NCAN: variants seen among roughly 807,000 people sequenced by gnomAD.
NCAN encodes neurocan core protein.
In NCAN, 47 loss-of-function variants were observed where a neutral mutation model predicts 121.8. The observed-to-expected ratio is 0.39, with a 90% CI of 0.31 to 0.49. NCAN has a LOEUF of 0.49. Ranked by LOEUF, NCAN falls within the 20% of genes least tolerant of loss-of-function variation. The probability of loss-of-function intolerance (pLI) is 0.92; values close to 1 mark genes in which losing one functional copy is unlikely to be tolerated. For missense variants in NCAN, 1,517 were observed against 1,773.4 expected (o/e 0.86, Z 2.60); for synonymous variants, 633 against 702.0 (o/e 0.90, Z 1.55).
chr19:19,234,337 G>T (rs2146548849), intron 9 of NCAN, among the ~76,000 whole-genome samples: 1 of 152,210 alleles, frequency 6.6e-6, no homozygotes, highest in South Asian at 2.1e-4. Flanking sequence ...ATAATTTTTT[G>T]AGCTCTATGT....
At position 19,228,351 on chromosome 19, in the gene NCAN, TC is replaced by T; in HGVS notation, c.2732del (p.Ser911Ter). The T allele has an allele frequency of 2.5e-6, 4 of 1,613,726 alleles. No individual in the cohort carries two copies. The highest frequency in any genetic ancestry group is 3.4e-6 in the Non-Finnish European group (4 of 1,179,968). ...GGATCAGGTGGAGACCCAGGGAACATCAGGAGCTTCAGTGCCTCCGCATCAG... is the reference window on the plus strand; with the variant it reads ...GGATCAGGTGGAGACCCAGGGAACATAGGAGCTTCAGTGCCTCCGCATCAG... The part of the protein sequence containing the change: ...PEDQVETQGT[S>X]GASVPPHQSS... On this transcript the variant is annotated frameshift_variant, in exon 8 of 15. Coordinates refer to ENST00000252575, the MANE Select transcript of NCAN (RefSeq NM_004386.3). LOFTEE classifies it high-confidence loss of function.
In NCAN at chr19:19,250,027, AC is replaced by A. The variant is rs1568605186; in HGVS notation, c.*117del. 1 of 1,014,464 alleles carries A rather than the reference AC, an allele frequency of 9.9e-7. No individual in the cohort carries two copies. Among genetic ancestry groups the A allele is most frequent in the African/African-American group, 1.6e-5 (1 of 62,810 alleles). The allele number at this position is 1,014,464 out of a possible 1,614,324, so 62.8% of individuals were successfully genotyped here. A position where few individuals can be genotyped will look rare whatever the true frequency, so the allele number is the denominator to read the frequency against. ...TCCAGAAGTCCCTGAACCCCAAACC[AC>A]ATCCCCCACACACATAATCCTTTGT... On this transcript the variant is annotated 3_prime_UTR_variant, in exon 15 of 15. Transcript: ENST00000252575.
Position 19,219,130 on chromosome 19 carries a change from A to G in NCAN, c.289A>G (p.Lys97Glu). 1 of 1,613,778 alleles carries G rather than the reference A, an allele frequency of 6.2e-7. No homozygotes were observed. Among genetic ancestry groups the G allele is most frequent in the Non-Finnish European group, 8.5e-7 (1 of 1,179,846 alleles). ...ACAGGACTTGCCCATCCTGGTGGCC[A>G]AGGACAATGTCGTGAGGGTGGCCAA... ...QRQDLPILVA[K>E]DNVVRVAKSW... The change falls in exon 3 of 15, where the codon AAG (lysine) becomes GAG (glutamate). Residue 97 changes from lysine to glutamate, a missense_variant. Physicochemically the swap from Lys to Glu is moderately conservative, Grantham distance 56. Transcript: ENST00000252575.
At position 19,227,516 on chromosome 19, in the gene NCAN, G is replaced by A; in HGVS notation, c.1896G>A (p.Met632Ile). 6.2e-7 allele frequency: 1 copy of A among 1,613,806 alleles called. No homozygotes were observed. The highest frequency in any genetic ancestry group is 8.5e-7 in the Non-Finnish European group (1 of 1,179,998). Residue 632 changes from methionine to isoleucine, a missense_variant, in exon 8 of 15, where the codon ATG (methionine) becomes ATA (isoleucine). Coordinates refer to ENST00000252575, the MANE Select transcript of NCAN (RefSeq NM_004386.3). The surrounding 1 kb of genome is among the most constrained non-coding windows in gnomAD (Gnocchi z 4.2). ...TGGCCACCTCCCCAGATCTCCCTAT[G>A]ATGGCCATGCTGCGTGGTCCCAAAG... ...FPVATSPDLP[M>I]MAMLRGPKEW... is the part of the protein sequence containing the mutation.
At chr19:19,219,338 G>C in intron 3 of NCAN, 22 bp downstream of exon 3, 1 of 1,475,410 alleles carries the variant, frequency 6.8e-7, no homozygotes, top group Non-Finnish European at 9.0e-7. Flanking sequence ...GCAAAGGAGG[G>C]GCCGGGGGCC....
rs763895634 is a variant in NCAN, at chr19:19,240,628, C to T, written c.3435C>T (p.Ile1145=). The T allele has an allele frequency of 5.0e-6, 8 of 1,613,956 alleles. No individual in the cohort carries two copies. The highest frequency in any genetic ancestry group is 2.2e-5 in the East Asian group (1 of 44,892). ...INSFGHENTW[I]GLNDRIVERD... is the part of the protein sequence containing the mutation. ...GCTTTGGGCATGAAAACACGTGGAT[C>T]GGCCTGAACGACAGGATCGTGGAGA... The change falls in exon 12 of 15, where the codon ATC becomes ATT. Residue 1145 remains isoleucine (I), a synonymous_variant. Coordinates refer to ENST00000252575, the MANE Select transcript of NCAN (RefSeq NM_004386.3).
chr19:19,238,137 T>C (rs2146551833), intron 10 of NCAN, 116 bp from the exon 11 acceptor site: 1 of 1,346,136 alleles, frequency 7.4e-7, no homozygotes, highest in East Asian at 2.3e-5. Context: ...AGAGGGGTGA[T>C]TTCGCCCCGC....
At chr19:19,245,202 A>C in intron 12 of NCAN, 111 bp from the exon 13 acceptor site, 1 of 1,342,424 alleles carries the variant, frequency 7.4e-7, no homozygotes, top group Non-Finnish European at 1.0e-6. Flanking sequence ...GGGAACACTG[A>C]ATCCCTGTGA....
At chr19:19,236,635 G>A (rs1410148502) in intron 10 of NCAN, among the ~76,000 whole-genome samples, 1 of 151,088 alleles carries the variant, frequency 6.6e-6, no homozygotes, top group Non-Finnish European at 1.5e-5. Context: ...TTGCCATGTT[G>A]CCCAGGCTGC....
intron 9 of NCAN, among the ~76,000 whole-genome samples, chr19:19,234,596 G>T (rs1272429824): frequency 1.3e-5 from 2 of 152,204 alleles, no homozygotes; most frequent in East Asian, 3.8e-4. Flanking sequence ...GGAGCTCAAT[G>T]AATATCTAGC....
At chr19:19,244,048 G>T (rs1399642737) in intron 12 of NCAN, among the ~76,000 whole-genome samples, 1 of 151,980 alleles carries the variant, frequency 6.6e-6, no homozygotes, top group Non-Finnish European at 1.5e-5. Flanking sequence ...AAACAAAAAT[G>T]GTTAAAATTA....
At chr19:19,216,537 C>T (rs1267900236) in intron 1 of NCAN, among the ~76,000 whole-genome samples, 1 of 152,122 alleles carries the variant, frequency 6.6e-6, no homozygotes, top group Non-Finnish European at 1.5e-5. Context: ...GTCTCGAACC[C>T]CTGACCTCGT....
chr19:19,225,332 T>C lies in NCAN; in HGVS notation c.1072+62T>C, dbSNP rs1216717769. 4.8e-5 allele frequency: 70 copies of C among 1,445,036 alleles called. No homozygotes were observed. Among genetic ancestry groups the C allele is most frequent in the Non-Finnish European group, 6.1e-5 (68 of 1,111,682 alleles). The allele number at this position is 1,445,036 out of a possible 1,614,324, so 89.5% of individuals were successfully genotyped here. On this transcript the variant is annotated intron_variant, in intron 6 of 14. Coordinates refer to ENST00000252575, the MANE Select transcript of NCAN (RefSeq NM_004386.3). This position sits in a 1 kb window ranked among gnomAD's most constrained non-coding sequence, Gnocchi z 4.0. ...TTCACTTTGGCGAAGGCCACGTCCC[T>C]GAAAGCCTCGCCAAGCCAAGGGAGA...
intron 3 of NCAN, 110 bp from the exon 4 acceptor site, chr19:19,223,911 G>C: frequency 2.7e-6 from 3 of 1,127,460 alleles, no homozygotes; most frequent in South Asian, 4.6e-5. Context: ...CCTGGCGCTA[G>C]GTCTATTATT....
intron 9 of NCAN, 95 bp downstream of exon 9, chr19:19,234,000 C>A: frequency 1.3e-6 from 1 of 785,700 alleles, no homozygotes; most frequent in South Asian, 1.6e-5. Flanking sequence ...ATTCAGAGAT[C>A]ACAAAAAGCT....
intron 8 of NCAN, among the ~76,000 whole-genome samples, chr19:19,232,275 C>T (rs1007827114): frequency 1.2e-4 from 19 of 152,198 alleles, no homozygotes; most frequent in Non-Finnish European, 2.8e-4. Context: ...CAGGCAGCTA[C>T]CCACCCGCCG....
chr19:19,248,911 A>G (rs768324164), intron 14 of NCAN, 29 bp downstream of exon 14: 6 of 1,607,794 alleles, frequency 3.7e-6, no homozygotes, highest in Admixed American at 1.7e-5. Flanking sequence ...AGATCTCAAC[A>G]TAGGTTTTTG....
At chr19:19,233,760 C>T in intron 8 of NCAN, 29 bp from the exon 9 acceptor site, 2 of 1,434,158 alleles carry the variant, frequency 1.4e-6, no homozygotes, top group Non-Finnish European at 2.0e-6. Context: ...TGGCCTGACT[C>T]TTCCCCACAC....
At position 19,223,082 on chromosome 19, in the gene NCAN, C is replaced by G. The variant is rs1402928506; in HGVS notation, c.476-939C>G. Among the ~76,000 whole-genome samples the G allele has an allele frequency of 2.6e-5, 4 of 151,936 alleles. No homozygotes were observed. In the East Asian group the frequency reaches 5.8e-4, roughly 22 times the overall value. On this transcript the variant is annotated intron_variant, in intron 3 of 14. Coordinates refer to ENST00000252575, the MANE Select transcript of NCAN (RefSeq NM_004386.3). Reference sequence around the variant, plus strand: ...TGAGATCGCGCCACTGCACTGCAGCCTGGCGACAGAGTGAGATTCTGTCTC... The same window carrying G: ...TGAGATCGCGCCACTGCACTGCAGCGTGGCGACAGAGTGAGATTCTGTCTC...
Sources: gnomAD v4.1 joint callset for allele counts (sites outside exome capture counted in the v4.1 genomes callset) on GRCh38, gnomAD v4.1.1 for gene constraint, Gnocchi (gnomAD v3.1) non-coding constraint, MANE v1.5 for transcripts, NCBI Gene and HGNC (gene_info 2026-07-23, HGNC 2026-07-21) for gene names.